Variants in CSGALNACT1 observed in about 807,000 individuals in gnomAD.
The protein encoded by CSGALNACT1 is beta4GalNAcT-1.
A neutral mutation model predicts 51.0 loss-of-function variants in CSGALNACT1; 52 were observed. The observed-to-expected ratio is 1.02, with a 90% CI of 0.82 to 1.29. The LOEUF is 1.29. Among genes scored for constraint, CSGALNACT1 ranks in the 50% most tolerant of loss-of-function variants. The pLI is 0.00. For synonymous variants in CSGALNACT1, 341 were observed against 254.4 expected (o/e 1.34, Z -3.24); for missense variants, 935 against 679.2 (o/e 1.38, Z -4.19).
intron 3 of CSGALNACT1, among the ~76,000 whole-genome samples, chr8:19,586,134 G>A (rs568935469): frequency 9.9e-5 from 15 of 152,236 alleles, no homozygotes; most frequent in Non-Finnish European, 4.4e-5. Context: ...AGGGCAAGGC[G>A]GGCAGATCAC....
At chr8:19,467,831 T>C (rs1372225471) in intron 4 of CSGALNACT1, among the ~76,000 whole-genome samples, 2 of 151,914 alleles carry the variant, frequency 1.3e-5, no homozygotes, top group African/African-American at 2.4e-5. Context: ...CAAAAAATAC[T>C]AAAAATTAGC....
At chr8:19,436,745 A>G (rs1043907486) in intron 6 of CSGALNACT1, among the ~76,000 whole-genome samples, 1 of 151,988 alleles carries the variant, frequency 6.6e-6, no homozygotes, top group Non-Finnish European at 1.5e-5. Context: ...TGGCTCTACA[A>G]AAACTATATA....
chr8:19,591,395 A>C (rs544626930), intron 2 of CSGALNACT1: 1 of 152,264 alleles, frequency 6.6e-6, no homozygotes, highest in South Asian at 2.1e-4. Flanking sequence ...GAGCTATTCA[A>C]AATAATTCAC....
At chr8:19,686,244 G>A (rs2060970075), upstream of CSGALNACT1, among the ~76,000 whole-genome samples, 3 of 152,110 alleles carry the variant, frequency 2.0e-5, no homozygotes, top group South Asian at 6.2e-4. Flanking sequence ...CACACAGGGT[G>A]GTCTCCATGT....
upstream of CSGALNACT1, among the ~76,000 whole-genome samples, chr8:19,606,530 C>G (rs1358591989): frequency 5.3e-5 from 8 of 152,166 alleles, no homozygotes; most frequent in African/African-American, 1.9e-4. Context: ...TTTTAGAACA[C>G]AACTGATTTT....
intron 1 of CSGALNACT1, among the ~76,000 whole-genome samples, chr8:19,636,846 T>C (rs978386097): frequency 2.0e-5 from 3 of 152,178 alleles, no homozygotes; most frequent in Non-Finnish European, 4.4e-5. Flanking sequence ...CTTGAGACAA[T>C]TGTTTCACAC....
At chr8:19,592,259 ATAAATGT>A (rs2047977776) in intron 2 of CSGALNACT1, among the ~76,000 whole-genome samples, 1 of 152,226 alleles carries the variant, frequency 6.6e-6, no homozygotes, top group Non-Finnish European at 1.5e-5. Context: ...GCAAATTCAA[ATAAATGT>A]TAAGTTTACT....
chr8:19,518,146 A>G (rs1256773258), intron 3 of CSGALNACT1, among the ~76,000 whole-genome samples: 1 of 152,222 alleles, frequency 6.6e-6, no homozygotes, highest in African/African-American at 2.4e-5. Context: ...ACTTTCTGAT[A>G]CAGGAGTTAA....
At chr8:19,695,183 A>G (rs1355550283) in intron 1 of CSGALNACT1, among the ~76,000 whole-genome samples, 3 of 152,212 alleles carry the variant, frequency 2.0e-5, no homozygotes, top group Admixed American at 2.0e-4. Context: ...GTGCATTGTT[A>G]TTATTTTCCT....
intron 1 of CSGALNACT1, among the ~76,000 whole-genome samples, chr8:19,682,158 C>A (rs1477580693): frequency 6.6e-6 from 1 of 152,034 alleles, no homozygotes; most frequent in Non-Finnish European, 1.5e-5. Context: ...CAGTATAGGA[C>A]CTGATTTTTA....
intron 1 of CSGALNACT1, among the ~76,000 whole-genome samples, chr8:19,741,560 C>A (rs6995679): frequency 4.8e-4 from 52 of 108,778 alleles, no homozygotes; most frequent in Admixed American, 5.0e-4. Flanking sequence ...GAGACTCCAT[C>A]AAAAAAAAAA....
chr8:19,436,621 G>T (rs1375736233), intron 6 of CSGALNACT1, among the ~76,000 whole-genome samples: 1 of 152,124 alleles, frequency 6.6e-6, no homozygotes, highest in African/African-American at 2.4e-5. Flanking sequence ...AGATTACTAT[G>T]GGAGGCTGGG....
At chr8:19,439,179 A>G (rs1413714934) in intron 6 of CSGALNACT1, among the ~76,000 whole-genome samples, 2 of 152,238 alleles carry the variant, frequency 1.3e-5, no homozygotes, top group Non-Finnish European at 1.5e-5. Context: ...ATAGGGAAAA[A>G]AATCCATCTA....
At position 19,557,918 on chromosome 8, in the gene CSGALNACT1, A is replaced by G. The variant is rs576249536; in HGVS notation, c.-297+33242T>C. ...TTCAAGAAACTTGTGATACTGTTTG[A>G]AACCATATCAAAAGGTGCCTAGCAA... On this transcript the variant is annotated intron_variant, in intron 3 of 9. Coordinates refer to ENST00000454498, the Ensembl canonical transcript of CSGALNACT1. Among the ~76,000 whole-genome samples the G allele has an allele frequency of 7.2e-5, 11 of 152,354 alleles. No homozygotes were observed. The East Asian group carries it at 1.9e-3, about 27-fold the overall frequency.
chr8:19,528,351 G>A (rs1004267490), intron 3 of CSGALNACT1, among the ~76,000 whole-genome samples: 16 of 150,970 alleles, frequency 1.1e-4, no homozygotes, highest in Middle Eastern at 3.6e-3. Flanking sequence ...ATGTTATTCC[G>A]CTATTAGACA....
At chr8:19,533,662 G>T (rs941322624) in intron 3 of CSGALNACT1, among the ~76,000 whole-genome samples, 1 of 152,102 alleles carries the variant, frequency 6.6e-6, no homozygotes, top group African/African-American at 2.4e-5. Context: ...CTCTTTGAGA[G>T]CAAGGAATGG....
At chr8:19,744,972 T>C (rs1172742067) in intron 1 of CSGALNACT1, among the ~76,000 whole-genome samples, 2 of 152,310 alleles carry the variant, frequency 1.3e-5, no homozygotes, top group Non-Finnish European at 2.9e-5. Flanking sequence ...AAACATCCAC[T>C]GCCACGTAAC....
chr8:19,640,392 A>G (rs917579166), intron 1 of CSGALNACT1, among the ~76,000 whole-genome samples: 1 of 152,130 alleles, frequency 6.6e-6, no homozygotes, highest in African/African-American at 2.4e-5. Context: ...GATTCCTGAA[A>G]TTCTCCAGAC....
intron 4 of CSGALNACT1, among the ~76,000 whole-genome samples, chr8:19,502,539 G>A (rs551609941): frequency 6.6e-6 from 1 of 152,108 alleles, no homozygotes; most frequent in Admixed American, 6.5e-5. Flanking sequence ...ACTACTACAT[G>A]GTTCACCAAA....
Sources: allele counts gnomAD v4.1 joint callset (sites outside exome capture counted in the v4.1 genomes callset), GRCh38; gene constraint gnomAD v4.1.1; transcripts MANE v1.5; gene names NCBI Gene and HGNC (gene_info 2026-07-23, HGNC 2026-07-21).